ADGRG6: variants seen among roughly 807,000 people sequenced by gnomAD.
ADGRG6 encodes the protein adhesion G protein-coupled receptor G6, also known as G-protein coupled receptor 126.
A neutral mutation model predicts 142.4 loss-of-function variants in ADGRG6; 84 were observed. The ratio of observed to expected loss-of-function variants is 0.59; its 90% confidence interval spans 0.49 to 0.71. The LOEUF is 0.71. ADGRG6 is among the 30% of genes least tolerant of loss of function. The probability of loss-of-function intolerance (pLI) is 0.00; values close to 1 mark genes in which losing one functional copy is unlikely to be tolerated. For synonymous variants in ADGRG6, 521 were observed against 520.5 expected (o/e 1.00, Z -0.01); for missense variants, 1,367 against 1,466.6 (o/e 0.93, Z 1.11).
At position 142,302,164 on chromosome 6, in the gene ADGRG6, G is replaced by GTA; in HGVS notation, c.-165_-164insAT. The GTA allele has an allele frequency of 1.5e-6, 1 of 684,744 alleles. No individual in the cohort carries two copies. Among genetic ancestry groups the GTA allele is most frequent in the South Asian group, 2.2e-5 (1 of 45,920 alleles). The allele number at this position is 684,744 out of a possible 1,614,324, so 42.4% of individuals were successfully genotyped here. A position where few individuals can be genotyped will look rare whatever the true frequency, so the allele number is the denominator to read the frequency against. On this transcript the variant is annotated 5_prime_UTR_variant, in exon 1 of 25. Transcript: ENST00000367609. ...CCGCGCCCAGGGTTCACCTTGCGCC[G>GTA]TCGGGAAAGCCCATGAACTCTCCAG...
chr6:142,337,785 A>C (rs1210405741), intron 2 of ADGRG6, among the ~76,000 whole-genome samples: 1 of 152,030 alleles, frequency 6.6e-6, no homozygotes, highest in African/African-American at 2.4e-5. Context: ...TTGGAATAAC[A>C]ATAATATTTT....
At chr6:142,341,383 A>T (rs1163562170) in intron 2 of ADGRG6, among the ~76,000 whole-genome samples, 1 of 126,552 alleles carries the variant, frequency 7.9e-6, no homozygotes, top group Admixed American at 9.9e-5. Context: ...TTATATATAT[A>T]CTATATATTA....
chr6:142,370,926 GT>G, intron 4 of ADGRG6, 133 bp downstream of exon 4: 1 of 898,774 alleles, frequency 1.1e-6, no homozygotes, highest in Non-Finnish European at 1.7e-6. Flanking sequence ...ATATATATAT[GT>G]TGTCATTAAA....
chr6:142,436,588 G>A lies in ADGRG6; in HGVS notation c.3320-846G>A, dbSNP rs187406852. Among the ~76,000 whole-genome samples the A allele has an allele frequency of 3.5e-3, 538 of 152,262 alleles. 3 individuals carry two copies. The highest frequency in any genetic ancestry group is 0.012 in the African/African-American group (514 of 41,546). ...AAAAGGAATAAAGAGATTGAAGCTG[G>A]AAGAAAATTGGAGGTTAAGGGAGGA... On this transcript the variant is annotated intron_variant, in intron 22 of 24. Coordinates refer to ENST00000367609, the MANE Select transcript of ADGRG6 (RefSeq NM_198569.3).
At chr6:142,340,150 G>C (rs1401149196) in intron 2 of ADGRG6, among the ~76,000 whole-genome samples, 1 of 152,098 alleles carries the variant, frequency 6.6e-6, no homozygotes, top group Non-Finnish European at 1.5e-5. Flanking sequence ...TACATCTGTG[G>C]AAAGGGGAAC....
chr6:142,360,770 G>GC (rs1780673598), intron 2 of ADGRG6, among the ~76,000 whole-genome samples: 1 of 152,108 alleles, frequency 6.6e-6, no homozygotes, highest in African/African-American at 2.4e-5. Flanking sequence ...TGATTCTCCT[G>GC]CCTCAGCCTC....
intron 18 of ADGRG6, 117 bp downstream of exon 18, chr6:142,411,528 C>T: frequency 1.5e-6 from 1 of 663,242 alleles, no homozygotes; most frequent in Middle Eastern, 2.6e-4. Context: ...TAGTTTTCAT[C>T]TGTACCGTGA....
chr6:142,408,162 C>T lies in ADGRG6; in HGVS notation c.2281C>T (p.Gln761Ter). 1 of 1,580,690 alleles carries T rather than the reference C, an allele frequency of 6.3e-7. No individual in the cohort carries two copies. The highest frequency in any genetic ancestry group is 2.3e-5 in the East Asian group (1 of 43,814). ...KTGLFQDVGP[Q>*]RKTLVSYVMA... Reference sequence around the variant, plus strand: ...TTTTCTTTAAAAGGATGTAGGACCCCAAAGAAAAACTTTAGTGAGTTATGT... The same window carrying T: ...TTTTCTTTAAAAGGATGTAGGACCCTAAAGAAAAACTTTAGTGAGTTATGT... The change falls in exon 16 of 25, where the codon CAA becomes TAA. Residue 761 changes from glutamine (Q) to a stop codon, truncating the protein, a stop_gained. Coordinates refer to ENST00000367609, the MANE Select transcript of ADGRG6 (RefSeq NM_198569.3). LOFTEE classifies it high-confidence loss of function.
At chr6:142,411,713 T>C (rs1776097573) in intron 18 of ADGRG6, among the ~76,000 whole-genome samples, 1 of 151,158 alleles carries the variant, frequency 6.6e-6, no homozygotes. Context: ...AGAAACAGAG[T>C]CAAAGAGATG....
chr6:142,407,727 A>T (rs1057219222), intron 15 of ADGRG6, among the ~76,000 whole-genome samples: 2 of 152,182 alleles, frequency 1.3e-5, no homozygotes, highest in Non-Finnish European at 2.9e-5. Context: ...GATGTGAAAG[A>T]TGTCTTGCTT....
intron 9 of ADGRG6, among the ~76,000 whole-genome samples, chr6:142,394,241 C>T (rs920727658): frequency 6.6e-6 from 1 of 152,014 alleles, no homozygotes; most frequent in Admixed American, 6.6e-5. Flanking sequence ...TAACCCATTG[C>T]CTCTTACTTG....
intron 7 of ADGRG6, among the ~76,000 whole-genome samples, chr6:142,391,717 C>G (rs1046935061): frequency 2.0e-5 from 3 of 151,758 alleles, no homozygotes; most frequent in African/African-American, 7.2e-5. Flanking sequence ...TTTAACCTCT[C>G]AATGGAGAGA....
chr6:142,406,480 A>C (rs1377750009), intron 15 of ADGRG6, among the ~76,000 whole-genome samples: 1 of 152,188 alleles, frequency 6.6e-6, no homozygotes, highest in Non-Finnish European at 1.5e-5. Flanking sequence ...TTATCTATTA[A>C]ATTCAAGATA....
At chr6:142,349,723 C>CA (rs1292646506) in intron 2 of ADGRG6, among the ~76,000 whole-genome samples, 5 of 151,770 alleles carry the variant, frequency 3.3e-5, no homozygotes, top group Middle Eastern at 3.2e-3. Context: ...AGTAAACACA[C>CA]ACAAAAAAAG....
At chr6:142,404,204 G>T (rs2115025644) in intron 14 of ADGRG6, 1 of 487,718 alleles carries the variant, frequency 2.1e-6, no homozygotes, top group Non-Finnish European at 3.6e-6. Context: ...TACAAGAGGG[G>T]TTACTGGAGC....
At position 142,400,709 on chromosome 6, in the gene ADGRG6, A is replaced by AATCT. The variant is rs1050377059; in HGVS notation, c.1679+114_1679+117dup. The AATCT allele has an allele frequency of 1.2e-4, 80 of 662,064 alleles. No individual in the cohort carries two copies. In the African/African-American group the frequency reaches 1.4e-3, roughly 12 times the overall value. The allele number at this position is 662,064 out of a possible 1,614,324, so 41.0% of individuals were successfully genotyped here. A position where few individuals can be genotyped will look rare whatever the true frequency, so the allele number is the denominator to read the frequency against. ...TATATTGATTGCAAAGAAGGGCAGG[A>AATCT]ATCTCTGTGTATGCCTGTATCATTC... On this transcript the variant is annotated intron_variant, in intron 11 of 24. Coordinates refer to ENST00000367609, the MANE Select transcript of ADGRG6 (RefSeq NM_198569.3).
At chr6:142,358,353 A>G (rs749713452) in intron 2 of ADGRG6, among the ~76,000 whole-genome samples, 1 of 152,236 alleles carries the variant, frequency 6.6e-6, no homozygotes, top group Non-Finnish European at 1.5e-5. Flanking sequence ...TTTGATGAAC[A>G]TAAGAGTAGT....
At chr6:142,385,076 C>T (rs958067986) in intron 6 of ADGRG6, among the ~76,000 whole-genome samples, 45 of 152,030 alleles carry the variant, frequency 3.0e-4, no homozygotes, top group African/African-American at 9.7e-5. Context: ...TATGAACATA[C>T]AAAGAGCCTC....
chr6:142,352,372 C>A (rs1048933983), intron 2 of ADGRG6, among the ~76,000 whole-genome samples: 1 of 152,044 alleles, frequency 6.6e-6, no homozygotes, highest in East Asian at 1.9e-4. Context: ...TACAGCAAAC[C>A]AAAAATAGCA....
Sources: gnomAD v4.1 joint callset for allele counts (sites outside exome capture counted in the v4.1 genomes callset) on GRCh38, gnomAD v4.1.1 for gene constraint, MANE v1.5 for transcripts, NCBI Gene and HGNC (gene_info 2026-07-23, HGNC 2026-07-21) for gene names.